XRN2: variants seen among roughly 807,000 people sequenced by gnomAD.
XRN2 encodes the protein DHM1-like protein.
A neutral mutation model predicts 138.5 loss-of-function variants in XRN2; 44 were observed. The ratio of observed to expected loss-of-function variants is 0.32; its 90% CI spans 0.25 to 0.41. The LOEUF is 0.41. Among genes scored for constraint, XRN2 ranks in the 10% least tolerant of loss-of-function variants. XRN2 has a pLI of 1.00. For synonymous variants in XRN2, 354 were observed against 369.4 expected, an observed-to-expected ratio of 0.96 and a Z score of 0.48; for missense variants, 937 against 1,169.3, an observed-to-expected ratio of 0.80 and a Z score of 2.90.
rs1376991855 is a variant in XRN2 at position 21,340,728 on chromosome 20, A to G, written c.1286A>G (p.Gln429Arg). 1.2e-6 allele frequency: 2 copies of G among 1,613,754 alleles called. No homozygotes were observed. The highest frequency in any genetic ancestry group is 1.7e-6 in the Non-Finnish European group (2 of 1,179,774). The change falls in exon 15 of 30, where the codon CAA becomes CGA. Residue 429 changes from glutamine to arginine, a missense_variant. Transcript: ENST00000377191. ...KEKRKRMKRD[Q>R]PAFTPSGILT... Reference sequence around the variant, plus strand: ...TCATTCCATTTATGTTAGAGAGATCAACCAGCTTTCACTCCTAGTGGAATA... The same window carrying G: ...TCATTCCATTTATGTTAGAGAGATCGACCAGCTTTCACTCCTAGTGGAATA...
chr20:21,347,688 A>G (rs1267756373), intron 17 of XRN2, among the ~76,000 whole-genome samples: 2 of 152,176 alleles, frequency 1.3e-5, no homozygotes, highest in African/African-American at 4.8e-5. Flanking sequence ...ATAATGGTGA[A>G]TTTTAAAATG....
intron 15 of XRN2, 51 bp from the exon 16 acceptor site, chr20:21,344,039 T>C (rs756526241): frequency 1.4e-6 from 2 of 1,399,364 alleles, no homozygotes; most frequent in Non-Finnish European, 2.0e-6. Flanking sequence ...TACCTTCTTA[T>C]GTAAAATGAA....
Position 21,333,974 on chromosome 20 carries a change from A to C in XRN2, c.1105A>C (p.Asn369His). Reference protein sequence around the residue: ...AIDRLVNIYKNVVHKTGGYLT... With the variant: ...AIDRLVNIYKHVVHKTGGYLT... ...TGACCGTTTGGTTAACATATACAAA[A>C]ATGTGGTACACAAAACTGGGGTAAG... The change falls in exon 12 of 30, where the codon AAT becomes CAT. Residue 369 changes from asparagine to histidine, a missense_variant. Transcript: ENST00000377191. 1 of 1,614,148 alleles carries C rather than the reference A, an allele frequency of 6.2e-7. No homozygotes were observed. The highest frequency in any genetic ancestry group is 8.5e-7 in the Non-Finnish European group (1 of 1,180,002).
At chr20:21,303,523 G>T in intron 1 of XRN2, 50 bp downstream of exon 1, 2 of 1,517,134 alleles carry the variant, frequency 1.3e-6, no homozygotes, top group South Asian at 1.2e-5. Context: ...CCCCCGGCAC[G>T]TCTAGGCCGC....
At chr20:21,331,938 A>G in intron 8 of XRN2, 120 bp downstream of exon 8, 3 of 1,091,666 alleles carry the variant, frequency 2.7e-6, no homozygotes, top group Non-Finnish European at 4.1e-6. Context: ...TGGTTATTTT[A>G]TGTTCGACAG....
At chr20:21,336,488 G>GT (rs1568578166) in intron 13 of XRN2, among the ~76,000 whole-genome samples, 1 of 152,114 alleles carries the variant, frequency 6.6e-6, no homozygotes, top group Non-Finnish European at 1.5e-5. Flanking sequence ...TGTTATTGAA[G>GT]TTGAGCATTT....
intron 1 of XRN2, among the ~76,000 whole-genome samples, chr20:21,322,204 C>T (rs540858602): frequency 6.6e-6 from 1 of 152,066 alleles, no homozygotes; most frequent in African/African-American, 2.4e-5. Flanking sequence ...TTAAGTGCTC[C>T]GTAAATGCTA....
At chr20:21,377,889 G>C (rs1307049573) in intron 27 of XRN2, among the ~76,000 whole-genome samples, 3 of 152,128 alleles carry the variant, frequency 2.0e-5, no homozygotes, top group Non-Finnish European at 4.4e-5. Flanking sequence ...TGACCAGGAA[G>C]GGGACCTGGT....
chr20:21,354,942 ACCTT>A lies in XRN2; in HGVS notation c.2020+76_2020+79del, dbSNP rs1468779459. On this transcript the variant is annotated intron_variant, in intron 21 of 29. Coordinates refer to ENST00000377191, the MANE Select transcript of XRN2 (RefSeq NM_012255.5). Reference sequence around the variant, plus strand: ...ACTTTATATTTCTGTATAAAATTAGACCTTCCTTCTCCTGTTTGTCAGATTTCCC... The same window carrying A: ...ACTTTATATTTCTGTATAAAATTAGACCTTCTCCTGTTTGTCAGATTTCCC... 12 of 1,243,352 alleles carry A rather than the reference ACCTT, an allele frequency of 9.7e-6. No homozygotes were observed. In the African/African-American group the frequency reaches 1.5e-4, roughly 16 times the overall value. The allele number at this position is 1,243,352 out of a possible 1,614,324, so 77.0% of individuals were successfully genotyped here.
intron 13 of XRN2, 81 bp downstream of exon 13, chr20:21,334,266 T>G: frequency 8.8e-7 from 1 of 1,138,272 alleles, no homozygotes; most frequent in South Asian, 1.4e-5. Context: ...TTTTAATCTC[T>G]TTGAGTGTGT....
chr20:21,331,497 C>A, intron 6 of XRN2, 64 bp from the exon 7 acceptor site: 1 of 1,376,286 alleles, frequency 7.3e-7, no homozygotes, highest in Non-Finnish European at 1.0e-6. Flanking sequence ...ACATATAATT[C>A]TTTTGATTTT....
chr20:21,387,744 A>G (rs756714514), intron 29 of XRN2, among the ~76,000 whole-genome samples: 15 of 152,212 alleles, frequency 9.9e-5, no homozygotes, highest in South Asian at 4.1e-4. Context: ...AGTAATGTGT[A>G]TGGAGTTTGG....
At chr20:21,345,077 A>G (rs1282100591) in intron 16 of XRN2, among the ~76,000 whole-genome samples, 2 of 152,202 alleles carry the variant, frequency 1.3e-5, no homozygotes, top group Admixed American at 6.5e-5. Flanking sequence ...CTTTGATTTC[A>G]GATCCATGTC....
intron 28 of XRN2, among the ~76,000 whole-genome samples, chr20:21,384,025 T>A (rs919184273): frequency 6.6e-6 from 1 of 152,224 alleles, no homozygotes; most frequent in African/African-American, 2.4e-5. Flanking sequence ...TTGTTGAGAA[T>A]CCTATTAAGA....
At chr20:21,332,468 C>T in intron 9 of XRN2, 28 bp downstream of exon 9, 1 of 1,431,932 alleles carries the variant, frequency 7.0e-7, no homozygotes, top group Non-Finnish European at 9.2e-7. Context: ...GTAGTTGCCT[C>T]ATTAAAAAAA....
intron 1 of XRN2, among the ~76,000 whole-genome samples, chr20:21,313,574 C>A (rs962231118): frequency 6.6e-6 from 1 of 152,178 alleles, no homozygotes; most frequent in Non-Finnish European, 1.5e-5. Context: ...GAAGCATTTG[C>A]TAAATGGCAA....
intron 4 of XRN2, among the ~76,000 whole-genome samples, chr20:21,329,969 G>A (rs1162796709): frequency 2.7e-5 from 4 of 149,522 alleles, no homozygotes; most frequent in African/African-American, 9.9e-5. Flanking sequence ...ACCATATATT[G>A]TTTTACAGTC....
At chr20:21,326,633 TTG>T (rs1293061737) in intron 3 of XRN2, 32 bp downstream of exon 3, 4 of 1,561,232 alleles carry the variant, frequency 2.6e-6, no homozygotes, top group Admixed American at 1.9e-5. Flanking sequence ...AGCCTCCATT[TTG>T]TTTTTTTTTG....
At chr20:21,354,926 T>A in intron 21 of XRN2, 54 bp downstream of exon 21, 2 of 1,410,410 alleles carry the variant, frequency 1.4e-6, no homozygotes, top group Non-Finnish European at 9.7e-7. Context: ...CACTTTATAT[T>A]TCTGTATAAA....
Sources: gnomAD v4.1 joint callset for allele counts (sites outside exome capture counted in the v4.1 genomes callset) on GRCh38, gnomAD v4.1.1 for gene constraint, MANE v1.5 for transcripts, NCBI Gene and HGNC (gene_info 2026-07-23, HGNC 2026-07-21) for gene names.